CLIC5: variants seen among roughly 807,000 people sequenced by gnomAD.
CLIC5 encodes CLIC family member 5.
CLIC5 carries 20 observed loss-of-function variants against 24.7 expected under a neutral mutation model. The ratio of observed to expected loss-of-function variants is 0.81; its 90% CI spans 0.57 to 1.18. The LOEUF is 1.18. Ranked by LOEUF, CLIC5 falls within the 50% of genes most tolerant of loss-of-function variation. CLIC5 has a pLI of 0.00. For synonymous variants in CLIC5, 159 were observed against 135.6 expected (o/e 1.17, Z -1.20); for missense variants, 341 against 326.1 (o/e 1.05, Z -0.35).
chr6:45,890,587 A>T (rs1190690897), intron 6 of CLIC5, among the ~76,000 whole-genome samples: 1 of 152,240 alleles, frequency 6.6e-6, no homozygotes, highest in East Asian at 1.9e-4. Flanking sequence ...AATTGTAATC[A>T]GTGTGCTGAA....
At chr6:46,091,519 T>C in the CLIC5 span, among the ~76,000 whole-genome samples, 1 of 152,118 alleles carries the variant, frequency 6.6e-6, no homozygotes, top group African/African-American at 2.4e-5. Context: ...GAGGATTACC[T>C]GAGCTCAGTT....
chr6:45,888,239 C>G (rs912295458), intron 6 of CLIC5, among the ~76,000 whole-genome samples: 5 of 152,128 alleles, frequency 3.3e-5, no homozygotes, highest in Admixed American at 1.3e-4. Flanking sequence ...TACTATAAAC[C>G]AAGGCTGCCC....
chr6:46,003,197 A>T (rs186855467), intron 1 of CLIC5, among the ~76,000 whole-genome samples: 1 of 152,234 alleles, frequency 6.6e-6, no homozygotes, highest in Admixed American at 6.5e-5. Context: ...CACTGTTGCT[A>T]TTATTCAATT....
intron 1 of CLIC5, among the ~76,000 whole-genome samples, chr6:46,073,821 C>T (rs1762689563): frequency 6.6e-6 from 1 of 152,242 alleles, no homozygotes; most frequent in South Asian, 2.1e-4. Flanking sequence ...AGCCCACTGC[C>T]TGGGACGTCC....
intron 4 of CLIC5, chr6:45,934,430 G>A (rs111642094): frequency 0.026 from 4,007 of 152,242 alleles, 82 homozygotes; most frequent in Non-Finnish European, 0.042. Flanking sequence ...ACTTGAAGGG[G>A]GAAGAAAAGA....
chr6:46,086,649 ATAGCAGT>A, the CLIC5 span, among the ~76,000 whole-genome samples: 5 of 152,218 alleles, frequency 3.3e-5, no homozygotes, highest in Non-Finnish European at 7.3e-5. Context: ...CATAACACAG[ATAGCAGT>A]TCAATCCACA....
intron 1 of CLIC5, among the ~76,000 whole-genome samples, chr6:45,969,464 C>T (rs532021134): frequency 0.012 from 1,781 of 145,270 alleles, 38 homozygotes; most frequent in African/African-American, 0.043. Context: ...CCCCCTCCTG[C>T]TCTATCCAAC....
the CLIC5 span, among the ~76,000 whole-genome samples, chr6:46,116,310 G>A: frequency 3.3e-5 from 5 of 152,236 alleles, no homozygotes; most frequent in South Asian, 1.0e-3. Context: ...CTCAAGGCTG[G>A]CCTGTGCATT....
intron 1 of CLIC5, among the ~76,000 whole-genome samples, chr6:46,046,616 C>T (rs1004714594): frequency 6.6e-6 from 1 of 152,160 alleles, no homozygotes; most frequent in East Asian, 1.9e-4. Context: ...GGGTGTATAC[C>T]ATGATGATTT....
At chr6:46,021,190 G>C (rs548169910) in intron 1 of CLIC5, among the ~76,000 whole-genome samples, 21 of 151,164 alleles carry the variant, frequency 1.4e-4, no homozygotes, top group African/African-American at 4.9e-4. Context: ...ATGAAAATAT[G>C]CTCAACGTTC....
intron 1 of CLIC5, among the ~76,000 whole-genome samples, chr6:46,052,359 TC>T (rs1374773059): frequency 6.6e-6 from 1 of 152,180 alleles, no homozygotes; most frequent in Non-Finnish European, 1.5e-5. Flanking sequence ...TATCCTGAGA[TC>T]CTGCTGAAAT....
chr6:46,025,794 A>T (rs1483735520), intron 1 of CLIC5, among the ~76,000 whole-genome samples: 1 of 152,094 alleles, frequency 6.6e-6, no homozygotes, highest in Non-Finnish European at 1.5e-5. Context: ...GATCATGAGG[A>T]CGAATTTCCC....
chr6:46,091,602 G>A, the CLIC5 span, among the ~76,000 whole-genome samples: 2 of 152,270 alleles, frequency 1.3e-5, no homozygotes, highest in Admixed American at 6.5e-5. Context: ...ACTGGATATG[G>A]CAGTGCATGC....
chr6:45,893,436 G>C lies in CLIC5; in HGVS notation c.624-12248C>G, dbSNP rs572034977. Among the ~76,000 whole-genome samples, 185 of 152,202 alleles carry C rather than the reference G, an allele frequency of 1.2e-3. 3 individuals carry two copies. Among genetic ancestry groups the C allele is most frequent in the African/African-American group, 4.3e-3 (180 of 41,520 alleles). ...AAGACTGAAGATCTGCCTGTCTCTTGAGTCTTATTTTTGAGGCCACAGTAC... is the reference window on the plus strand; with the variant it reads ...AAGACTGAAGATCTGCCTGTCTCTTCAGTCTTATTTTTGAGGCCACAGTAC... On this transcript the variant is annotated intron_variant, in intron 6 of 6. Transcript: ENST00000644324.
At chr6:45,923,730 T>C (rs1219255109) in intron 4 of CLIC5, among the ~76,000 whole-genome samples, 1 of 152,222 alleles carries the variant, frequency 6.6e-6, no homozygotes, top group Non-Finnish European at 1.5e-5. Context: ...GATCGTGAAC[T>C]GATTTGATCA....
intron 1 of CLIC5, among the ~76,000 whole-genome samples, chr6:46,076,520 T>G (rs1171698187): frequency 1.3e-5 from 2 of 152,142 alleles, no homozygotes; most frequent in African/African-American, 4.8e-5. Flanking sequence ...TGATGTGATG[T>G]GGGCCATGCG....
chr6:46,119,510 C>T, the CLIC5 span, among the ~76,000 whole-genome samples: 5 of 152,230 alleles, frequency 3.3e-5, no homozygotes, highest in African/African-American at 9.6e-5. Flanking sequence ...GCGTGAGCGA[C>T]GCAGAAGATG....
intron 1 of CLIC5, among the ~76,000 whole-genome samples, chr6:46,001,262 G>A (rs926160862): frequency 1.3e-5 from 2 of 152,150 alleles, no homozygotes; most frequent in African/African-American, 4.8e-5. Flanking sequence ...TCTTGACTGG[G>A]TGGAGAGCCT....
intron 1 of CLIC5, among the ~76,000 whole-genome samples, chr6:46,033,655 A>G (rs1767574492): frequency 6.6e-6 from 1 of 152,198 alleles, no homozygotes; most frequent in Admixed American, 6.5e-5. Context: ...CCCTGGACAG[A>G]GCAGAGAGAA....
Sources: gnomAD v4.1 joint callset for allele counts (sites outside exome capture counted in the v4.1 genomes callset) on GRCh38, gnomAD v4.1.1 for gene constraint, MANE v1.5 for transcripts, NCBI Gene and HGNC (gene_info 2026-07-23, HGNC 2026-07-21) for gene names.